Variants in ILRUN observed in about 807,000 individuals in gnomAD.
The protein encoded by ILRUN is protein ILRUN.
A neutral mutation model predicts 33.8 loss-of-function variants in ILRUN; 3 were observed. That is an observed-to-expected ratio of 0.09 (90% CI 0.04 to 0.23). The LOEUF (loss-of-function observed/expected upper bound fraction) is 0.23, where lower values mean the gene tolerates loss of function less well. Among genes scored for constraint, ILRUN ranks in the 10% least tolerant of loss-of-function variants. The pLI, the probability that ILRUN is intolerant of heterozygous loss-of-function variation, is 1.00. For synonymous variants in ILRUN, 124 were observed against 138.9 expected (o/e 0.89, Z 0.75); for missense variants, 210 against 375.1 (o/e 0.56, Z 3.64).
intron 3 of ILRUN, among the ~76,000 whole-genome samples, chr6:34,633,629 C>T (rs1762290502): frequency 6.7e-6 from 1 of 149,758 alleles, no homozygotes; most frequent in Admixed American, 6.7e-5. Flanking sequence ...GGTGGGAGGA[C>T]TCCTTGAAGC....
Position 34,654,790 on chromosome 6 carries a change from A to G in ILRUN, c.159-11T>C. 6.2e-7 allele frequency: 1 copy of G among 1,610,784 alleles called. No homozygotes were observed. The highest frequency in any genetic ancestry group is 1.1e-5 in the South Asian group (1 of 90,608). ...GCTGCTTGTAGGTTCCTATAGAAAAAGAGAAAAGGCAACAGACTTCAGTAC... is the reference window on the plus strand; with the variant it reads ...GCTGCTTGTAGGTTCCTATAGAAAAGGAGAAAAGGCAACAGACTTCAGTAC... On this transcript the variant is annotated splice_polypyrimidine_tract_variant and intron_variant, in intron 1 of 4. Coordinates refer to ENST00000374023, the MANE Select transcript of ILRUN (RefSeq NM_024294.4).
rs1165805126 is a variant in ILRUN at position 34,646,658 on chromosome 6, C to T, written c.454G>A (p.Ala152Thr). Residue 152 changes from alanine to threonine, a missense_variant, in exon 3 of 5, where the codon GCA (alanine) becomes ACA (threonine). Ala to Thr is a moderately conservative substitution (Grantham distance 58). Coordinates refer to ENST00000374023, the MANE Select transcript of ILRUN (RefSeq NM_024294.4). This position sits in a 1 kb window ranked among gnomAD's most constrained non-coding sequence, Gnocchi z 4.9. Reference sequence around the variant, plus strand: ...CGCCACTGTCCCTGATACATTCCTGCTCTGCTGGGGCTGCACATCTGGACG... The same window carrying T: ...CGCCACTGTCCCTGATACATTCCTGTTCTGCTGGGGCTGCACATCTGGACG... Reference protein sequence around the residue: ...VSVQMCSPSRAGMYQGQWRMC... With the variant: ...VSVQMCSPSRTGMYQGQWRMC... The T allele has an allele frequency of 1.9e-6, 3 of 1,614,034 alleles. No homozygotes were observed. Among genetic ancestry groups the T allele is most frequent in the Non-Finnish European group, 2.5e-6 (3 of 1,180,034 alleles).
chr6:34,688,816 A>G (rs1353894740), intron 1 of ILRUN, among the ~76,000 whole-genome samples: 1 of 152,066 alleles, frequency 6.6e-6, no homozygotes, highest in East Asian at 1.9e-4. Context: ...CAAGATGCAG[A>G]CACAAAAGGA....
At chr6:34,602,438 C>T (rs751013838) in intron 4 of ILRUN, among the ~76,000 whole-genome samples, 4 of 152,184 alleles carry the variant, frequency 2.6e-5, no homozygotes, top group African/African-American at 4.8e-5. Context: ...TTCCACATCT[C>T]TGTGAATTGT....
chr6:34,614,443 A>AAAAAAAAATAT (rs71000073), intron 3 of ILRUN, among the ~76,000 whole-genome samples: 55 of 133,576 alleles, frequency 4.1e-4, no homozygotes, highest in Admixed American at 1.2e-3. Flanking sequence ...AAAAAAAAAA[A>AAAAAAAAATAT]ATATATATAT....
chr6:34,686,161 G>A (rs1297247680), intron 1 of ILRUN, among the ~76,000 whole-genome samples: 1 of 152,132 alleles, frequency 6.6e-6, no homozygotes, highest in Non-Finnish European at 1.5e-5. Flanking sequence ...GGAGAAAACA[G>A]TGCAATTTAT....
At chr6:34,614,491 ATATAT>A (rs1362315063) in intron 3 of ILRUN, among the ~76,000 whole-genome samples, 46 of 139,728 alleles carry the variant, frequency 3.3e-4, no homozygotes, top group East Asian at 2.5e-3. Flanking sequence ...ATATTATTAT[ATATAT>A]TATATTTTAT....
At chr6:34,676,442 C>CTAGCTAGATAGA (rs377034822) in intron 1 of ILRUN, among the ~76,000 whole-genome samples, 26 of 149,854 alleles carry the variant, frequency 1.7e-4, no homozygotes, top group African/African-American at 6.5e-4. Flanking sequence ...AGCTAGCTAG[C>CTAGCTAGATAGA]TAGATAGATA....
In ILRUN at chr6:34,614,604, T is replaced by C. The variant is rs145071358; in HGVS notation, c.512-7700A>G. On this transcript the variant is annotated intron_variant, in intron 3 of 4. Coordinates refer to ENST00000374023, the MANE Select transcript of ILRUN (RefSeq NM_024294.4). The stretch of plus-strand genomic sequence containing the variant: ...AGGAATTCCAAACAATATATGTAGA[T>C]ACTCCCTGTTTCCAAGAGGTAGAAC... 1.4e-4 allele frequency among the ~76,000 whole-genome samples: 21 copies of C among 150,846 alleles called. No individual in the cohort carries two copies. The East Asian group carries it at 3.9e-3, about 28-fold the overall frequency.
At chr6:34,621,413 T>G (rs1189978873) in intron 3 of ILRUN, among the ~76,000 whole-genome samples, 1 of 152,228 alleles carries the variant, frequency 6.6e-6, no homozygotes, top group Non-Finnish European at 1.5e-5. Context: ...GAAACAATTA[T>G]GCAAAATATC....
chr6:34,654,890 TC>T, intron 1 of ILRUN, 111 bp from the exon 2 acceptor site: 1 of 1,032,784 alleles, frequency 9.7e-7, no homozygotes, highest in Non-Finnish European at 1.4e-6. Flanking sequence ...AACCTGAGGC[TC>T]CTGGTATACA....
intron 3 of ILRUN, among the ~76,000 whole-genome samples, chr6:34,640,264 C>A (rs1011116043): frequency 1.3e-5 from 2 of 151,710 alleles, no homozygotes; most frequent in African/African-American, 2.4e-5. Context: ...CACCACATGC[C>A]GAAAGCACGC....
At chr6:34,664,338 G>C (rs1452050503) in intron 1 of ILRUN, among the ~76,000 whole-genome samples, 1 of 152,092 alleles carries the variant, frequency 6.6e-6, no homozygotes, top group African/African-American at 2.4e-5. Flanking sequence ...AAATGGTGGG[G>C]TTTTGCGGGT....
chr6:34,641,729 G>C (rs371671307), intron 3 of ILRUN, among the ~76,000 whole-genome samples: 144 of 152,208 alleles, frequency 9.5e-4, no homozygotes, highest in African/African-American at 3.3e-3. Context: ...ACAACTTACA[G>C]ACTATTAAGA....
intron 1 of ILRUN, among the ~76,000 whole-genome samples, chr6:34,678,597 C>A: frequency 6.6e-6 from 1 of 151,456 alleles, no homozygotes; most frequent in Non-Finnish European, 1.5e-5. Context: ...CCTGTAATCC[C>A]AGCACTTTGG....
At chr6:34,618,152 G>C (rs1338239763) in intron 3 of ILRUN, among the ~76,000 whole-genome samples, 1 of 152,030 alleles carries the variant, frequency 6.6e-6, no homozygotes. Context: ...GGCTGGGGCT[G>C]AAAAATGAAA....
intron 3 of ILRUN, among the ~76,000 whole-genome samples, chr6:34,630,452 C>T (rs1352946437): frequency 2.0e-5 from 3 of 151,604 alleles, no homozygotes; most frequent in African/African-American, 4.9e-5. Context: ...GGTGTGATCT[C>T]GGCTCACTGC....
intron 3 of ILRUN, among the ~76,000 whole-genome samples, chr6:34,639,895 G>T (rs746379547): frequency 2.0e-5 from 3 of 151,992 alleles, no homozygotes; most frequent in Non-Finnish European, 2.9e-5. Context: ...CTAATATTTC[G>T]CAAGGTAACA....
chr6:34,633,890 AGG>A, intron 3 of ILRUN, among the ~76,000 whole-genome samples: 2 of 26,256 alleles, frequency 7.6e-5, no homozygotes, highest in Middle Eastern at 0.037. Flanking sequence ...AGAGGGAGGG[AGG>A]GAGGGAGGGA....
Sources: gnomAD v4.1 joint callset for allele counts (sites outside exome capture counted in the v4.1 genomes callset) on GRCh38, gnomAD v4.1.1 for gene constraint, Gnocchi (gnomAD v3.1) non-coding constraint, MANE v1.5 for transcripts, NCBI Gene and HGNC (gene_info 2026-07-23, HGNC 2026-07-21) for gene names.